MYZAP: variants seen among roughly 807,000 people sequenced by gnomAD.
The protein encoded by MYZAP is myocardial zonula adherens protein, also known as GRINL1A complex locus upstream.
Under a neutral mutation model 69.4 loss-of-function variants are expected in MYZAP, and 66 were observed. The observed-to-expected ratio is 0.95, with a 90% CI of 0.78 to 1.17. The LOEUF is 1.17. Ranked by LOEUF, MYZAP falls within the 50% of genes most tolerant of loss-of-function variation. The pLI, the probability that MYZAP is intolerant of heterozygous loss-of-function variation, is 0.00. For synonymous variants in MYZAP, 256 were observed against 205.9 expected (o/e 1.24, Z -2.09); for missense variants, 611 against 556.2 (o/e 1.10, Z -0.99).
Position 57,599,543 on chromosome 15 carries a change from G to C in MYZAP, c.76-4726G>C, listed in dbSNP as rs141026260. On this transcript the variant is annotated intron_variant, in intron 1 of 12. Transcript: ENST00000267853. Reference sequence around the variant, plus strand: ...TGTTCAGGGTAGGATGCAGTTCTTCGCATTGTGCATAACACAAGCCCTGAA... The same window carrying C: ...TGTTCAGGGTAGGATGCAGTTCTTCCCATTGTGCATAACACAAGCCCTGAA... 32 of 1,266,680 alleles carry C rather than the reference G, an allele frequency of 2.5e-5. 1 individual carries two copies. The South Asian group carries it at 3.7e-4, about 15-fold the overall frequency. 78.5% of individuals were successfully genotyped at this position (1,266,680 alleles called of 1,614,324 possible).
chr15:57,657,467 G>A (rs575272645), intron 10 of MYZAP, among the ~76,000 whole-genome samples: 22 of 152,190 alleles, frequency 1.4e-4, no homozygotes, highest in African/African-American at 3.6e-4. Flanking sequence ...TTCTCTTCCA[G>A]CTTTTACTTT....
At chr15:57,617,560 A>G (rs911030751) in intron 2 of MYZAP, among the ~76,000 whole-genome samples, 1 of 152,148 alleles carries the variant, frequency 6.6e-6, no homozygotes, top group Admixed American at 6.5e-5. Flanking sequence ...CCCTTTTCTT[A>G]GAACTTGGCC....
chr15:57,620,791 C>G (rs1373038448), intron 3 of MYZAP, among the ~76,000 whole-genome samples: 1 of 151,986 alleles, frequency 6.6e-6, no homozygotes. Context: ...TTTTTGGTTT[C>G]TTTGGTCCTC....
intron 11 of MYZAP, among the ~76,000 whole-genome samples, chr15:57,662,008 AG>A (rs2038335111): frequency 6.6e-6 from 1 of 152,222 alleles, no homozygotes; most frequent in South Asian, 2.1e-4. Context: ...TGTCAGAGCC[AG>A]GCTGAAAGAC....
intron 3 of MYZAP, among the ~76,000 whole-genome samples, chr15:57,619,561 A>G (rs2035683818): frequency 6.6e-6 from 1 of 152,128 alleles, no homozygotes; most frequent in Non-Finnish European, 1.5e-5. Context: ...GTAGAGACCC[A>G]GACTGGTCTC....
chr15:57,645,441 G>A (rs1386012525), intron 10 of MYZAP, among the ~76,000 whole-genome samples: 1 of 152,142 alleles, frequency 6.6e-6, no homozygotes, highest in Non-Finnish European at 1.5e-5. Context: ...AACAAAAGAT[G>A]GCCTAGAAAA....
At position 57,637,758 on chromosome 15, in the gene MYZAP, G is replaced by GA; in HGVS notation, c.998dup (p.Asp333GlufsTer3). The GA allele has an allele frequency of 6.2e-7, 1 of 1,611,516 alleles. No individual in the cohort carries two copies. Among genetic ancestry groups the GA allele is most frequent in the Non-Finnish European group, 8.5e-7 (1 of 1,178,714 alleles). On this transcript the variant is annotated frameshift_variant, in exon 9 of 13. Transcript: ENST00000267853. LOFTEE classifies it high-confidence loss of function. ...AACAGAAATGTCTGGGGAGTTAACTGATTCTGACAAGGAAAGGTAAGACGT... is the reference window on the plus strand; with the variant it reads ...AACAGAAATGTCTGGGGAGTTAACTGAATTCTGACAAGGAAAGGTAAGACGT...
At chr15:57,600,384 A>G (rs186060877) in intron 1 of MYZAP, among the ~76,000 whole-genome samples, 1 of 152,224 alleles carries the variant, frequency 6.6e-6, no homozygotes. Context: ...CTTTGAGGTC[A>G]TATGTTTTAT....
chr15:57,596,907 C>G (rs1157615298), intron 1 of MYZAP, among the ~76,000 whole-genome samples: 1 of 152,186 alleles, frequency 6.6e-6, no homozygotes, highest in Non-Finnish European at 1.5e-5. Flanking sequence ...CTGTGCATGC[C>G]ACCATTACTT....
intron 3 of MYZAP, among the ~76,000 whole-genome samples, chr15:57,619,209 T>A (rs1411210896): frequency 6.6e-6 from 1 of 152,186 alleles, no homozygotes; most frequent in African/African-American, 2.4e-5. Context: ...GAACATTTCT[T>A]GTTGAATTTA....
chr15:57,630,043 A>G (rs1466294928), intron 6 of MYZAP, among the ~76,000 whole-genome samples, 189 bp downstream of exon 6: 1 of 147,984 alleles, frequency 6.8e-6, no homozygotes, highest in Admixed American at 6.8e-5. Context: ...ATCATGGCTC[A>G]CTGCAACCTC....
chr15:57,626,980 C>T (rs1448142932), intron 5 of MYZAP, among the ~76,000 whole-genome samples: 5 of 152,108 alleles, frequency 3.3e-5, no homozygotes, highest in African/African-American at 7.2e-5. Flanking sequence ...GTCTGGTTTG[C>T]TCAGCAGCCT....
At chr15:57,647,093 G>A (rs1334048760) in intron 10 of MYZAP, 1 of 985,266 alleles carries the variant, frequency 1.0e-6, no homozygotes, top group Non-Finnish European at 1.2e-6. Context: ...ACGTTGGCTA[G>A]TTCTCCACTC....
chr15:57,680,366 A>G (rs1269659851), intron 12 of MYZAP, among the ~76,000 whole-genome samples: 3 of 151,800 alleles, frequency 2.0e-5, no homozygotes, highest in Non-Finnish European at 2.9e-5. Context: ...TCCTCCTCAA[A>G]TTCTTCCCCT....
At chr15:57,647,289 A>G (rs1479582668) in intron 10 of MYZAP, 3 of 985,438 alleles carry the variant, frequency 3.0e-6, no homozygotes, top group Non-Finnish European at 3.6e-6. Flanking sequence ...TGCTGTGTTT[A>G]GACACAGATC....
chr15:57,593,212 A>ACACACACACACACACACACACACACC (rs770540454), intron 1 of MYZAP, among the ~76,000 whole-genome samples: 2 of 124,906 alleles, frequency 1.6e-5, no homozygotes, highest in African/African-American at 6.8e-5. Context: ...ACACACACAC[A>ACACACACACACACACACACACACACC]CACCCCAGAA....
chr15:57,639,649 C>A, intron 10 of MYZAP, 104 bp downstream of exon 10: 1 of 1,333,460 alleles, frequency 7.5e-7, no homozygotes, highest in Non-Finnish European at 1.0e-6. Flanking sequence ...GGCTCACAAG[C>A]CGAGGTGCTC....
intron 1 of MYZAP, chr15:57,599,755 T>G: frequency 8.0e-7 from 1 of 1,249,372 alleles, no homozygotes; most frequent in South Asian, 1.2e-5. Context: ...ATGGGGAGAT[T>G]GCGGAAGGTG....
chr15:57,642,136 C>G (rs1195367878), intron 10 of MYZAP, among the ~76,000 whole-genome samples: 3 of 152,180 alleles, frequency 2.0e-5, no homozygotes, highest in African/African-American at 7.2e-5. Context: ...ACGTTCTTTA[C>G]AAAGTAAGAA....
Sources: gnomAD v4.1 joint callset for allele counts (sites outside exome capture counted in the v4.1 genomes callset) on GRCh38, gnomAD v4.1.1 for gene constraint, MANE v1.5 for transcripts, NCBI Gene and HGNC (gene_info 2026-07-23, HGNC 2026-07-21) for gene names.